Variants in IRAK1BP1 observed in about 807,000 individuals in gnomAD.
The protein encoded by IRAK1BP1 is interleukin 1 receptor associated kinase 1 binding protein 1, also known as interleukin-1 receptor-associated kinase 1-binding protein 1.
In IRAK1BP1, 24 loss-of-function variants were observed where a neutral mutation model predicts 28.0. That is an observed-to-expected ratio of 0.86 (90% CI 0.62 to 1.20). IRAK1BP1 has a LOEUF of 1.20. Among genes scored for constraint, IRAK1BP1 ranks in the 50% most tolerant of loss-of-function variants. The pLI is 0.00. For missense variants in IRAK1BP1, 336 were observed against 316.7 expected (o/e 1.06, Z -0.46); for synonymous variants, 131 against 116.3 (o/e 1.13, Z -0.81).
At chr6:78,897,604 A>C (rs1771937088) in intron 2 of IRAK1BP1, among the ~76,000 whole-genome samples, 1 of 152,198 alleles carries the variant, frequency 6.6e-6, no homozygotes, top group South Asian at 2.1e-4. Flanking sequence ...TTAAAATATA[A>C]GTTTTTTAAT....
the IRAK1BP1 span, among the ~76,000 whole-genome samples, chr6:78,975,105 A>G: frequency 2.6e-5 from 4 of 151,844 alleles, no homozygotes; most frequent in African/African-American, 9.7e-5. Context: ...CTTGATGAAC[A>G]TTGATGCAAA....
intron 4 of IRAK1BP1, among the ~76,000 whole-genome samples, chr6:78,912,698 A>C (rs966040442): frequency 2.6e-5 from 4 of 152,224 alleles, no homozygotes; most frequent in Non-Finnish European, 4.4e-5. Context: ...TGATGTTTTC[A>C]CACAATAAAT....
At chr6:78,887,526 T>C (rs867216278) in intron 2 of IRAK1BP1, among the ~76,000 whole-genome samples, 1 of 151,818 alleles carries the variant, frequency 6.6e-6, no homozygotes, top group South Asian at 2.1e-4. Context: ...ATTAGCCAGG[T>C]GTGGTGGCGG....
Position 78,885,415 on chromosome 6 carries a change from T to TG in IRAK1BP1, c.355dup (p.Glu119GlyfsTer16). The stretch of plus-strand genomic sequence containing the variant: ...ACTGTGACAAAGGATTTTAGGAGAG[T>TG]GGAAAATGCTTATCACATGGAAGCA... On this transcript the variant is annotated frameshift_variant, in exon 2 of 4. Coordinates refer to ENST00000369940, the MANE Select transcript of IRAK1BP1 (RefSeq NM_001010844.4). LOFTEE classifies it high-confidence loss of function. 6.3e-7 allele frequency: 1 copy of TG among 1,580,942 alleles called. No homozygotes were observed. Among genetic ancestry groups the TG allele is most frequent in the Non-Finnish European group, 8.6e-7 (1 of 1,157,730 alleles).
intron 4 of IRAK1BP1, chr6:78,936,100 T>G (rs939438240): frequency 6.6e-6 from 1 of 151,924 alleles, no homozygotes; most frequent in Non-Finnish European, 1.5e-5. Flanking sequence ...AATATGATAC[T>G]CCAGGTTCGG....
chr6:78,931,595 G>A (rs560937275), intron 4 of IRAK1BP1, among the ~76,000 whole-genome samples: 11 of 152,036 alleles, frequency 7.2e-5, no homozygotes, highest in Admixed American at 5.9e-4. Flanking sequence ...TTGTTTCCTG[G>A]TGCATATAAA....
chr6:78,926,498 G>T (rs759209163), intron 4 of IRAK1BP1, among the ~76,000 whole-genome samples: 1 of 152,100 alleles, frequency 6.6e-6, no homozygotes, highest in African/African-American at 2.4e-5. Context: ...ATCACATCAT[G>T]TAAAATGGGG....
Position 78,867,552 on chromosome 6 carries a change from C to T in IRAK1BP1, c.-25C>T. ...TTCGGCCGCCGTCGGCCGGTAGTTA[C>T]TATGGAAACCCAGCTGCCATCGCTA... is the stretch of plus-strand genomic sequence containing the variant. On this transcript the variant is annotated 5_prime_UTR_variant, in exon 1 of 4. Coordinates refer to ENST00000369940, the MANE Select transcript of IRAK1BP1 (RefSeq NM_001010844.4). 6.2e-7 allele frequency: 1 copy of T among 1,605,286 alleles called. No homozygotes were observed. Among genetic ancestry groups the T allele is most frequent in the Non-Finnish European group, 8.5e-7 (1 of 1,175,288 alleles).
chr6:78,922,520 C>A (rs74676852), intron 4 of IRAK1BP1, among the ~76,000 whole-genome samples: 6 of 152,180 alleles, frequency 3.9e-5, no homozygotes, highest in African/African-American at 1.4e-4. Flanking sequence ...TCCAGGAGAA[C>A]TTCCCCAATC....
rs751291229 is a variant in IRAK1BP1 at position 78,946,014 on chromosome 6, T to A, written c.*674T>A. 46 of 1,606,756 alleles carry A rather than the reference T, an allele frequency of 2.9e-5. No individual in the cohort carries two copies. The highest frequency in any genetic ancestry group is 3.8e-5 in the Non-Finnish European group (45 of 1,173,578). On this transcript the variant is annotated 3_prime_UTR_variant and NMD_transcript_variant, in exon 5 of 5. Transcript: ENST00000606868. Reference sequence around the variant, plus strand: ...AGTGAGTCTTACTTGTTTTCCCTGGTATTGCAGATGCATTAGCTTTTGTAA... The same window carrying A: ...AGTGAGTCTTACTTGTTTTCCCTGGAATTGCAGATGCATTAGCTTTTGTAA...
intron 4 of IRAK1BP1, among the ~76,000 whole-genome samples, chr6:78,925,924 C>A (rs1353641593): frequency 6.6e-6 from 1 of 151,992 alleles, no homozygotes; most frequent in African/African-American, 2.4e-5. Context: ...TTATCCTAAG[C>A]AAATTAACAC....
chr6:78,969,795 AC>A, the IRAK1BP1 span: 9 of 947,264 alleles, frequency 9.5e-6, no homozygotes, highest in Non-Finnish European at 1.4e-5. Context: ...AGAAAAAAAA[AC>A]CACATCAAAC....
At position 78,903,090 on chromosome 6, in the gene IRAK1BP1, T is replaced by TA; in HGVS notation, c.*4757dup. On this transcript the variant is annotated 3_prime_UTR_variant, in exon 4 of 4. Transcript: ENST00000369940. ...ATGAATCCCACATCAAATGAACAAA[T>TA]ACTGCCTCTGGACTCTGAATGTAAG... 3 of 1,498,670 alleles carry TA rather than the reference T, an allele frequency of 2.0e-6. No individual in the cohort carries two copies. The highest frequency in any genetic ancestry group is 2.7e-6 in the Non-Finnish European group (3 of 1,113,392). The allele number at this position is 1,498,670 out of a possible 1,614,324, so 92.8% of individuals were successfully genotyped here.
At chr6:78,967,301 T>C in the IRAK1BP1 span, among the ~76,000 whole-genome samples, 1 of 152,170 alleles carries the variant, frequency 6.6e-6, no homozygotes, top group Non-Finnish European at 1.5e-5. Context: ...AAAGCTACTA[T>C]ATAGTTTAAT....
At chr6:78,978,842 G>C in the IRAK1BP1 span, 1 of 609,806 alleles carries the variant, frequency 1.6e-6, no homozygotes, top group Non-Finnish European at 2.5e-6. Flanking sequence ...ATTATATACA[G>C]TTGGCCCTGT....
intron 4 of IRAK1BP1, among the ~76,000 whole-genome samples, chr6:78,934,913 T>G (rs1397445809): frequency 2.0e-5 from 3 of 152,206 alleles, no homozygotes; most frequent in African/African-American, 4.8e-5. Flanking sequence ...ATTGAATGAC[T>G]TCCACCATTC....
chr6:78,933,370 C>T (rs910582654), intron 4 of IRAK1BP1, among the ~76,000 whole-genome samples: 41 of 152,216 alleles, frequency 2.7e-4, no homozygotes, highest in African/African-American at 9.7e-4. Context: ...GTAATCCCAA[C>T]ACTTTGGGAG....
At chr6:78,939,199 C>A (rs1773377288) in intron 4 of IRAK1BP1, 1 of 151,708 alleles carries the variant, frequency 6.6e-6, no homozygotes, top group African/African-American at 2.4e-5. Flanking sequence ...TTTTCCATAG[C>A]AGTACATATA....
intron 4 of IRAK1BP1, among the ~76,000 whole-genome samples, chr6:78,919,981 C>T (rs559218649): frequency 1.4e-4 from 21 of 152,228 alleles, no homozygotes; most frequent in East Asian, 1.4e-3. Context: ...TTTGGTGGGG[C>T]GTGGTGGCTT....
Sources: allele counts gnomAD v4.1 joint callset (sites outside exome capture counted in the v4.1 genomes callset), GRCh38; gene constraint gnomAD v4.1.1; transcripts MANE v1.5; gene names NCBI Gene and HGNC (gene_info 2026-07-23, HGNC 2026-07-21).